RBPMS: variants seen among roughly 807,000 people sequenced by gnomAD.
The protein encoded by RBPMS is RNA-binding protein with multiple splicing.
Under a neutral mutation model 26.8 loss-of-function variants are expected in RBPMS, and 7 were observed. That is an observed-to-expected ratio of 0.26 (90% CI 0.15 to 0.49). The LOEUF is 0.49. RBPMS is among the 20% of genes least tolerant of loss of function. RBPMS has a pLI of 0.98. For synonymous variants in RBPMS, 96 were observed against 93.3 expected (o/e 1.03, Z -0.17); for missense variants, 186 against 250.0 (o/e 0.74, Z 1.73).
chr8:30,458,207 T>C (rs1815460888), intron 1 of RBPMS, among the ~76,000 whole-genome samples: 1 of 152,206 alleles, frequency 6.6e-6, no homozygotes, highest in Admixed American at 6.5e-5. Context: ...AGATGCATTT[T>C]TTTTCCTCAG....
intron 5 of RBPMS, among the ~76,000 whole-genome samples, chr8:30,517,718 T>C (rs1430218019): frequency 6.6e-6 from 1 of 152,202 alleles, no homozygotes; most frequent in East Asian, 1.9e-4. Context: ...GTGTGTAAGG[T>C]AGAGCAAGTG....
At chr8:30,415,076 T>C (rs1809908973) in intron 1 of RBPMS, among the ~76,000 whole-genome samples, 1 of 152,194 alleles carries the variant, frequency 6.6e-6, no homozygotes, top group East Asian at 1.9e-4. Context: ...ACACCACTTC[T>C]AGCTGGATGC....
chr8:30,419,063 A>G (rs928475667), intron 1 of RBPMS, among the ~76,000 whole-genome samples: 1 of 137,516 alleles, frequency 7.3e-6, no homozygotes, highest in African/African-American at 3.4e-5. Flanking sequence ...CAAGATTATC[A>G]GTTGAAAAAA....
At chr8:30,436,039 T>C (rs115323692) in intron 1 of RBPMS, among the ~76,000 whole-genome samples, 5 of 152,334 alleles carry the variant, frequency 3.3e-5, no homozygotes, top group African/African-American at 1.2e-4. Context: ...TGTGGGTAAG[T>C]ACAGGGAGAC....
intron 4 of RBPMS, among the ~76,000 whole-genome samples, chr8:30,483,598 TTACGGTAAAA>T (rs1818493798): frequency 6.6e-6 from 1 of 152,194 alleles, no homozygotes; most frequent in African/African-American, 2.4e-5. Flanking sequence ...TTTTTTTTAA[TTACGGTAAAA>T]TACATTTAAA....
chr8:30,455,349 A>G (rs1007859334), intron 1 of RBPMS, among the ~76,000 whole-genome samples: 1 of 152,326 alleles, frequency 6.6e-6, no homozygotes, highest in Admixed American at 6.5e-5. Flanking sequence ...TCAAAGTTAT[A>G]GTGATAAGTG....
At chr8:30,456,991 C>T (rs193027707) in intron 1 of RBPMS, among the ~76,000 whole-genome samples, 4 of 152,288 alleles carry the variant, frequency 2.6e-5, no homozygotes, top group Admixed American at 2.6e-4. Flanking sequence ...GGATGTTGGT[C>T]GTATCTTTAT....
intron 1 of RBPMS, among the ~76,000 whole-genome samples, chr8:30,440,591 C>CA (rs778334212): frequency 1.1e-4 from 16 of 152,084 alleles, no homozygotes; most frequent in Non-Finnish European, 2.2e-4. Flanking sequence ...TTGCTTCCAC[C>CA]ACCTGGCTAT....
chr8:30,415,802 G>T (rs1030772854), intron 1 of RBPMS, among the ~76,000 whole-genome samples: 6 of 152,180 alleles, frequency 3.9e-5, no homozygotes, highest in Non-Finnish European at 7.3e-5. Context: ...TCTTTGAAAA[G>T]GATGACTCCT....
intron 6 of RBPMS, among the ~76,000 whole-genome samples, chr8:30,554,784 G>C (rs1563446233): frequency 2.0e-5 from 3 of 152,198 alleles, no homozygotes; most frequent in Non-Finnish European, 4.4e-5. Context: ...TCCAACCAGA[G>C]AGTATTTGCT....
At chr8:30,437,565 T>G (rs1585456958) in intron 1 of RBPMS, among the ~76,000 whole-genome samples, 1 of 151,028 alleles carries the variant, frequency 6.6e-6, no homozygotes, top group South Asian at 2.1e-4. Context: ...CCGAGGCAGG[T>G]GGATCACCTG....
At chr8:30,520,622 C>T (rs1822929660) in intron 5 of RBPMS, among the ~76,000 whole-genome samples, 1 of 152,040 alleles carries the variant, frequency 6.6e-6, no homozygotes, top group Admixed American at 6.6e-5. Flanking sequence ...CCCAATACGA[C>T]CTATCACTGT....
In RBPMS at chr8:30,385,148, A is replaced by G. The variant is rs776091286; in HGVS notation, c.56A>G (p.Gln19Arg). ...AACACCCCGAGCGAGGCCAACCTTC[A>G]GGAGGAGGAGGTACTGGGCGGCTCG... Reference protein sequence around the residue: ...KENTPSEANLQEEEVRTLFVS... With the variant: ...KENTPSEANLREEEVRTLFVS... The change falls in exon 1 of 9, where the codon CAG (glutamine) becomes CGG (arginine). Residue 19 changes from glutamine to arginine, a missense_variant. Coordinates refer to ENST00000397323, the MANE Select transcript of RBPMS (RefSeq NM_001008710.3). 3 of 1,518,880 alleles carry G rather than the reference A, an allele frequency of 2.0e-6. No individual in the cohort carries two copies. Among genetic ancestry groups the G allele is most frequent in the South Asian group, 1.2e-5 (1 of 80,026 alleles). 94.1% of individuals were successfully genotyped at this position (1,518,880 alleles called of 1,614,324 possible).
chr8:30,519,570 G>A (rs1011223296), intron 5 of RBPMS, among the ~76,000 whole-genome samples: 2 of 139,794 alleles, frequency 1.4e-5, no homozygotes, highest in Non-Finnish European at 3.0e-5. Context: ...TGCAAGCTCC[G>A]CCTTCCAGGT....
intron 1 of RBPMS, among the ~76,000 whole-genome samples, chr8:30,464,932 T>G (rs1816334547): frequency 2.0e-5 from 3 of 152,232 alleles, no homozygotes; most frequent in Admixed American, 2.0e-4. Flanking sequence ...AGAATGCAAC[T>G]TTATGTTCAT....
chr8:30,391,432 A>G (rs1807777467), intron 1 of RBPMS, among the ~76,000 whole-genome samples: 3 of 152,182 alleles, frequency 2.0e-5, no homozygotes. Context: ...GGGAATGCAA[A>G]TGTTCCTCTT....
At chr8:30,528,688 C>T (rs1823870717) in intron 5 of RBPMS, among the ~76,000 whole-genome samples, 1 of 152,186 alleles carries the variant, frequency 6.6e-6, no homozygotes, top group South Asian at 2.1e-4. Flanking sequence ...TCATTATCCT[C>T]ATTTTACAAA....
At chr8:30,555,578 GGTGT>G (rs972772631) in intron 6 of RBPMS, among the ~76,000 whole-genome samples, 2 of 152,070 alleles carry the variant, frequency 1.3e-5, no homozygotes, top group South Asian at 2.1e-4. Context: ...AGAGAGAGAG[GGTGT>G]GTGTTTGTGT....
intron 5 of RBPMS, among the ~76,000 whole-genome samples, chr8:30,520,300 T>C (rs923553183): frequency 6.6e-6 from 1 of 152,182 alleles, no homozygotes; most frequent in African/African-American, 2.4e-5. Flanking sequence ...CATTGGTGCC[T>C]GGTAATCTCC....
Sources: gnomAD v4.1 joint callset for allele counts (sites outside exome capture counted in the v4.1 genomes callset) on GRCh38, gnomAD v4.1.1 for gene constraint, MANE v1.5 for transcripts, NCBI Gene and HGNC (gene_info 2026-07-23, HGNC 2026-07-21) for gene names.